Variants in SSBP2 observed in about 807,000 individuals in gnomAD.
SSBP2 encodes single-stranded DNA-binding protein 2.
A neutral mutation model predicts 61.8 loss-of-function variants in SSBP2; 17 were observed. The observed-to-expected ratio is 0.28, with a 90% CI of 0.19 to 0.41. The LOEUF (loss-of-function observed/expected upper bound fraction) is 0.41. Ranked by LOEUF, SSBP2 falls within the 10% of genes least tolerant of loss-of-function variation. The pLI is 1.00. For missense variants in SSBP2, 310 were observed against 458.7 expected (o/e 0.68, Z 2.96); for synonymous variants, 139 against 141.3 (o/e 0.98, Z 0.12).
intron 1 of SSBP2, among the ~76,000 whole-genome samples, chr5:81,726,550 A>C (rs985291427): frequency 6.6e-6 from 1 of 152,178 alleles, no homozygotes; most frequent in African/African-American, 2.4e-5. Flanking sequence ...ACTATTACCA[A>C]CTGAAGTTCC....
chr5:81,600,186 T>C (rs1027206279), intron 4 of SSBP2, among the ~76,000 whole-genome samples: 2 of 152,150 alleles, frequency 1.3e-5, no homozygotes, highest in African/African-American at 4.8e-5. Flanking sequence ...AATAATAATT[T>C]ATAGATATTT....
At chr5:81,433,592 T>TAAAAAAA (rs532034844) in intron 15 of SSBP2, among the ~76,000 whole-genome samples, 14 of 103,824 alleles carry the variant, frequency 1.3e-4, no homozygotes, top group African/African-American at 3.7e-4. Context: ...GAATGATCAA[T>TAAAAAAA]AAAAAAAAAA....
intron 1 of SSBP2, among the ~76,000 whole-genome samples, chr5:81,716,346 G>A (rs1166217246): frequency 6.6e-6 from 1 of 152,114 alleles, no homozygotes; most frequent in African/African-American, 2.4e-5. Context: ...CAATGTGCTT[G>A]TAAAACACTG....
chr5:81,740,383 G>T (rs1184817137), intron 1 of SSBP2, among the ~76,000 whole-genome samples: 1 of 149,972 alleles, frequency 6.7e-6, no homozygotes, highest in Admixed American at 6.7e-5. Flanking sequence ...TACTGATAAT[G>T]TATAATCATC....
intron 1 of SSBP2, among the ~76,000 whole-genome samples, chr5:81,725,283 T>C (rs114871154): frequency 5.2e-4 from 79 of 152,162 alleles, no homozygotes; most frequent in African/African-American, 1.8e-3. Context: ...CTAACCTCAC[T>C]AATAATCAGA....
At position 81,679,049 on chromosome 5, in the gene SSBP2, G is replaced by A. The variant is rs373958258; in HGVS notation, c.63-28710C>T. 2.4e-3 allele frequency among the ~76,000 whole-genome samples: 365 copies of A among 151,978 alleles called. 3 individuals are homozygous for A. Among genetic ancestry groups the A allele is most frequent in the African/African-American group, 8.5e-3 (354 of 41,428 alleles). On this transcript the variant is annotated intron_variant, in intron 1 of 16. Coordinates refer to ENST00000320672, the MANE Select transcript of SSBP2 (RefSeq NM_012446.5). Reference sequence around the variant, plus strand: ...TTTTGAGATGGAGTCTCACTCTGTCGCCCAGGCTGAAGTGCAAAGGCACAA... The same window carrying A: ...TTTTGAGATGGAGTCTCACTCTGTCACCCAGGCTGAAGTGCAAAGGCACAA...
At chr5:81,671,106 T>G (rs763018040) in intron 1 of SSBP2, among the ~76,000 whole-genome samples, 1 of 152,130 alleles carries the variant, frequency 6.6e-6, no homozygotes, top group Non-Finnish European at 1.5e-5. Flanking sequence ...TCCACAACTC[T>G]AATACCACTG....
At chr5:81,504,015 GA>G (rs1767993873) in intron 5 of SSBP2, among the ~76,000 whole-genome samples, 1 of 151,896 alleles carries the variant, frequency 6.6e-6, no homozygotes, top group Non-Finnish European at 1.5e-5. Flanking sequence ...AAAAAGATCA[GA>G]AAAAAATAAA....
intron 3 of SSBP2, among the ~76,000 whole-genome samples, chr5:81,623,001 A>G (rs1746762131): frequency 6.6e-6 from 1 of 152,136 alleles, no homozygotes; most frequent in Non-Finnish European, 1.5e-5. Context: ...AGGAGAGTGA[A>G]AGTTATAACT....
intron 1 of SSBP2, among the ~76,000 whole-genome samples, chr5:81,675,202 G>A (rs1751862278): frequency 6.6e-6 from 1 of 152,100 alleles, no homozygotes. Context: ...ACTGGAAGTT[G>A]CCTCCAGGGT....
chr5:81,653,042 C>T (rs1356260394), intron 1 of SSBP2, among the ~76,000 whole-genome samples: 5 of 151,598 alleles, frequency 3.3e-5, no homozygotes, highest in African/African-American at 1.2e-4. Context: ...TGGTTTGCTG[C>T]ACTCATCAAC....
intron 5 of SSBP2, 27 bp from the exon 6 acceptor site, chr5:81,489,336 C>T (rs777634510): frequency 6.3e-7 from 1 of 1,576,498 alleles, no homozygotes; most frequent in Non-Finnish European, 8.6e-7. Context: ...AATAAACAAA[C>T]AAAACAAAAA....
chr5:81,624,857 C>T (rs1746976253), intron 3 of SSBP2, among the ~76,000 whole-genome samples: 1 of 152,026 alleles, frequency 6.6e-6, no homozygotes. Flanking sequence ...CTATTTTCTT[C>T]CAGTAATATT....
At chr5:81,736,191 C>CACACACACACACACA (rs1257403812) in intron 1 of SSBP2, among the ~76,000 whole-genome samples, 2 of 60,304 alleles carry the variant, frequency 3.3e-5, no homozygotes, top group African/African-American at 2.5e-4. Context: ...CACACACACT[C>CACACACACACACACA]TACGGCACTA....
chr5:81,484,229 A>G (rs1157051713), intron 6 of SSBP2, among the ~76,000 whole-genome samples: 1 of 152,190 alleles, frequency 6.6e-6, no homozygotes, highest in Non-Finnish European at 1.5e-5. Flanking sequence ...AAAATGGTAT[A>G]TCTATGACAA....
In SSBP2 at chr5:81,699,605, G is replaced by A. The variant is rs534991534; in HGVS notation, c.63-49266C>T. 4.9e-4 allele frequency among the ~76,000 whole-genome samples: 75 copies of A among 152,084 alleles called. 2 individuals carry two copies. The highest frequency in any genetic ancestry group is 9.6e-4 in the Non-Finnish European group (65 of 68,030). On this transcript the variant is annotated intron_variant, in intron 1 of 16. Transcript: ENST00000320672. ...CTCCACTTCTAATTCTGGTTCTCTTGCTATTTCTACCACATCTGCAGTGAC... is the reference window on the plus strand; with the variant it reads ...CTCCACTTCTAATTCTGGTTCTCTTACTATTTCTACCACATCTGCAGTGAC...
chr5:81,623,405 A>G (rs1185223120), intron 3 of SSBP2, among the ~76,000 whole-genome samples: 4 of 137,484 alleles, frequency 2.9e-5, no homozygotes, highest in South Asian at 2.2e-4. Flanking sequence ...GCACGATCTC[A>G]GCTCACTGCA....
intron 3 of SSBP2, among the ~76,000 whole-genome samples, chr5:81,624,849 A>G (rs1290462042): frequency 6.6e-6 from 1 of 152,098 alleles, no homozygotes; most frequent in Admixed American, 6.6e-5. Flanking sequence ...TTTAAAAACT[A>G]TTTTCTTCCA....
In SSBP2 at chr5:81,567,735, A is replaced by G. The variant is rs552570256; in HGVS notation, c.282+47738T>C. ...GTACCCTGCAAAACCACAGGGGCAG[A>G]GCTGCCCAAGATCATGGGAACCCAC... is the stretch of plus-strand genomic sequence containing the variant. On this transcript the variant is annotated intron_variant, in intron 4 of 16. Transcript: ENST00000320672. Among the ~76,000 whole-genome samples, 44 of 152,346 alleles carry G rather than the reference A, an allele frequency of 2.9e-4. No individual in the cohort carries two copies. In the South Asian group the frequency reaches 8.9e-3, roughly 31 times the overall value.
Sources: gnomAD v4.1 joint callset for allele counts (sites outside exome capture counted in the v4.1 genomes callset) on GRCh38, gnomAD v4.1.1 for gene constraint, MANE v1.5 for transcripts, NCBI Gene and HGNC (gene_info 2026-07-23, HGNC 2026-07-21) for gene names.